The following TGM3 variants were observed in gnomAD, a reference collection of about 807,000 sequenced individuals.
TGM3 encodes the protein transglutaminase 3, also known as protein-glutamine gamma-glutamyltransferase E.
TGM3 carries 52 observed loss-of-function variants against 73.8 expected under a neutral mutation model. The observed-to-expected ratio is 0.70, with a 90% CI of 0.56 to 0.89. The LOEUF (loss-of-function observed/expected upper bound fraction) is 0.89, where lower values mean the gene tolerates loss of function less well. TGM3 is among the 40% of genes least tolerant of loss of function. TGM3 has a pLI of 0.00. For synonymous variants in TGM3, 372 were observed against 354.9 expected (o/e 1.05, Z -0.54); for missense variants, 928 against 909.9 (o/e 1.02, Z -0.26).
chr20:2,328,535 G>A lies in TGM3; in HGVS notation c.1333+170G>A, dbSNP rs1323127887. On this transcript the variant is annotated intron_variant, in intron 9 of 12. Transcript: ENST00000381458. This position sits in a 1 kb window ranked among gnomAD's most constrained non-coding sequence, Gnocchi z 5.2. Reference sequence around the variant, plus strand: ...CATCCACCTCCCAGGACTGTTTCCGGAGGGAACAAAACCATCACGGGCAGC... The same window carrying A: ...CATCCACCTCCCAGGACTGTTTCCGAAGGGAACAAAACCATCACGGGCAGC... Among the ~76,000 whole-genome samples the A allele has an allele frequency of 1.3e-5, 2 of 152,202 alleles. No homozygotes were observed. Among genetic ancestry groups the A allele is most frequent in the East Asian group, 1.9e-4 (1 of 5,186 alleles).
chr20:2,313,903 C>T (rs1039391177), intron 5 of TGM3, among the ~76,000 whole-genome samples: 3 of 152,050 alleles, frequency 2.0e-5, no homozygotes, highest in East Asian at 3.9e-4. Context: ...TAGGCAGACA[C>T]GGTGGCTCAC....
chr20:2,331,410 A>T (rs1458551372), intron 9 of TGM3, among the ~76,000 whole-genome samples: 1 of 152,140 alleles, frequency 6.6e-6, no homozygotes. Flanking sequence ...TTGAAAACTG[A>T]AATCTCTGGA....
chr20:2,303,458 C>G (rs552904215), intron 1 of TGM3, among the ~76,000 whole-genome samples: 2 of 152,124 alleles, frequency 1.3e-5, no homozygotes, highest in Admixed American at 6.6e-5. Context: ...TGAAAAAGCT[C>G]TGCCACTAGA....
intron 8 of TGM3, 149 bp from the exon 9 acceptor site, chr20:2,327,971 C>A (rs45482093): frequency 4.5e-5 from 51 of 1,124,394 alleles, no homozygotes; most frequent in Non-Finnish European, 6.1e-5. Context: ...CTGCAGAATG[C>A]CAAATGAGTG....
intron 3 of TGM3, 102 bp from the exon 4 acceptor site, chr20:2,310,909 C>A: frequency 9.9e-7 from 1 of 1,013,710 alleles, no homozygotes; most frequent in Non-Finnish European, 1.6e-6. Flanking sequence ...GTGGGGCTTG[C>A]TCCAACCCCC....
intron 11 of TGM3, among the ~76,000 whole-genome samples, chr20:2,336,185 C>T (rs1027056221): frequency 1.3e-5 from 2 of 148,776 alleles, no homozygotes; most frequent in Non-Finnish European, 3.0e-5. Flanking sequence ...GTGCGGACTC[C>T]AAGCCTGTCC....
At chr20:2,324,453 G>A (rs537405735) in intron 7 of TGM3, among the ~76,000 whole-genome samples, 3 of 152,124 alleles carry the variant, frequency 2.0e-5, no homozygotes, top group African/African-American at 4.8e-5. Context: ...TACCCCAGAC[G>A]CTGGATGTGT....
chr20:2,309,962 T>C, intron 2 of TGM3, 132 bp downstream of exon 2: 1 of 1,408,934 alleles, frequency 7.1e-7, no homozygotes, highest in South Asian at 1.3e-5. Flanking sequence ...TGATTCAGTG[T>C]GGCCTTGGGC....
intron 1 of TGM3, among the ~76,000 whole-genome samples, chr20:2,300,156 G>GGGAA (rs1259257720): frequency 1.4e-5 from 2 of 145,340 alleles, no homozygotes; most frequent in African/African-American, 2.6e-5. Flanking sequence ...GAGGGAGGGA[G>GGGAA]GGAAGGAAGG....
At chr20:2,329,332 ATGGGGT>A (rs2084306975) in intron 9 of TGM3, among the ~76,000 whole-genome samples, 1 of 152,154 alleles carries the variant, frequency 6.6e-6, no homozygotes, top group Non-Finnish European at 1.5e-5. Context: ...AGCGCAGGTG[ATGGGGT>A]CTGACTTCAA....
chr20:2,335,149 A>G lies in TGM3; in HGVS notation c.1676A>G (p.Gln559Arg). 1 of 1,614,248 alleles carries G rather than the reference A, an allele frequency of 6.2e-7. No homozygotes were observed. The highest frequency in any genetic ancestry group is 1.3e-5 in the African/African-American group (1 of 75,072). ...CATCCCATAAAGATCTCGTACGCTC[A>G]GTATGAGAAGTACCTGAAGTCAGAC... ...AEHPIKISYAQYEKYLKSDNM... is the reference protein window; with the variant it reads ...AEHPIKISYARYEKYLKSDNM... Residue 559 changes from glutamine to arginine, a missense_variant, in exon 11 of 13, where the codon CAG becomes CGG. Gln to Arg is a conservative substitution (Grantham distance 43). Transcript: ENST00000381458.
chr20:2,340,234 G>T (rs2122263394), intron 12 of TGM3, among the ~76,000 whole-genome samples, 200 bp from the exon 13 acceptor site: 1 of 152,194 alleles, frequency 6.6e-6, no homozygotes, highest in East Asian at 1.9e-4. Flanking sequence ...GGAGATCATG[G>T]GACCCCCCCC....
In TGM3 at chr20:2,328,061, C is replaced by T. The variant is rs770622298; in HGVS notation, c.1088-59C>T. 7.8e-5 allele frequency: 125 copies of T among 1,604,190 alleles called. No homozygotes were observed. Among genetic ancestry groups the T allele is most frequent in the Middle Eastern group, 1.7e-4 (1 of 6,038 alleles). On this transcript the variant is annotated intron_variant, in intron 8 of 12. Transcript: ENST00000381458. This position sits in a 1 kb window ranked among gnomAD's most constrained non-coding sequence, Gnocchi z 5.2. ...GTGGTCCTGGAAGGCCCTGGGGAAT[C>T]GGGCACTGGGTAGGTTGTGGCCTTG...
chr20:2,331,854 C>T (rs1042152302), intron 9 of TGM3, 148 bp from the exon 10 acceptor site: 28 of 896,666 alleles, frequency 3.1e-5, no homozygotes, highest in Admixed American at 5.3e-5. Flanking sequence ...TTAAGACAGG[C>T]GAGCTGGAGA....
intron 11 of TGM3, 113 bp from the exon 12 acceptor site, chr20:2,339,741 T>G (rs2084369881): frequency 1.4e-6 from 2 of 1,454,322 alleles, no homozygotes; most frequent in Non-Finnish European, 1.9e-6. Flanking sequence ...CTCCCCTTCT[T>G]CATCCTCAGT....
chr20:2,317,556 TG>T, intron 7 of TGM3, 71 bp downstream of exon 7: 1 of 1,596,720 alleles, frequency 6.3e-7, no homozygotes, highest in Non-Finnish European at 8.5e-7. Flanking sequence ...ACCATCCTTC[TG>T]GGACCCAGGT....
rs2084379445 is a variant in TGM3, at chr20:2,340,956, C to T, written c.*375C>T. Reference sequence around the variant, plus strand: ...GCTGGTCTAGACTGTTTGCTGATCCCCAACCTGCACGGGGCATTCCTGCTT... The same window carrying T: ...GCTGGTCTAGACTGTTTGCTGATCCTCAACCTGCACGGGGCATTCCTGCTT... On this transcript the variant is annotated 3_prime_UTR_variant, in exon 13 of 13. Coordinates refer to ENST00000381458, the MANE Select transcript of TGM3 (RefSeq NM_003245.4). 2 of 468,248 alleles carry T rather than the reference C, an allele frequency of 4.3e-6. No homozygotes were observed. The highest frequency in any genetic ancestry group is 2.0e-5 in the African/African-American group (1 of 50,714). 29.0% of individuals were successfully genotyped at this position (468,248 alleles called of 1,614,324 possible).
chr20:2,318,029 A>G (rs1328287165), intron 7 of TGM3, among the ~76,000 whole-genome samples: 1 of 150,880 alleles, frequency 6.6e-6, no homozygotes, highest in Non-Finnish European at 1.5e-5. Flanking sequence ...GAAAACAATT[A>G]TTTTTTTGAG....
Position 2,339,928 on chromosome 20 carries a change from G to A in TGM3, c.1875G>A (p.Val625=). Residue 625 remains valine (V), a synonymous_variant, in exon 12 of 13, where the codon GTG becomes GTA. Transcript: ENST00000381458. The part of the protein sequence containing the change: ...MLFSNPLDEP[V]RDCVLMVEGS... ...TCTCCAATCCACTGGATGAGCCGGT[G>A]AGGGACTGCGTGCTGATGGTGGAGG... The A allele has an allele frequency of 6.2e-7, 1 of 1,613,930 alleles. No individual in the cohort carries two copies.
Sources: allele counts gnomAD v4.1 joint callset (sites outside exome capture counted in the v4.1 genomes callset), GRCh38; gene constraint gnomAD v4.1.1; non-coding constraint Gnocchi (gnomAD v3.1); transcripts MANE v1.5; gene names NCBI Gene and HGNC (gene_info 2026-07-23, HGNC 2026-07-21).